The following CHRM3 variants were observed in gnomAD, a reference collection of about 807,000 sequenced individuals.
CHRM3 encodes muscarinic acetylcholine receptor M3.
Under a neutral mutation model 41.8 loss-of-function variants are expected in CHRM3, and 11 were observed. The ratio of observed to expected loss-of-function variants is 0.26; its 90% CI spans 0.17 to 0.44. The LOEUF (loss-of-function observed/expected upper bound fraction) is 0.44, where lower values mean the gene tolerates loss of function less well. CHRM3 is among the 20% of genes least tolerant of loss of function. The probability of loss-of-function intolerance (pLI) is 1.00; values close to 1 mark genes in which losing one functional copy is unlikely to be tolerated. For synonymous variants in CHRM3, 297 were observed against 301.4 expected, an observed-to-expected ratio of 0.99 and a Z score of 0.15; for missense variants, 571 against 745.4, an observed-to-expected ratio of 0.77 and a Z score of 2.72.
In CHRM3 at chr1:239,907,878, C is replaced by A. The variant is rs1680098162; in HGVS notation, c.427C>A (p.Leu143Ile). 2 of 1,614,228 alleles carry A rather than the reference C, an allele frequency of 1.2e-6. No individual in the cohort carries two copies. Among genetic ancestry groups the A allele is most frequent in the East Asian group, 4.5e-5 (2 of 44,888 alleles). The change falls in exon 7 of 7, where the codon CTC becomes ATC. Residue 143 changes from leucine (L) to isoleucine (I), a missense_variant. Physicochemically the swap from Leu to Ile is conservative, Grantham distance 5. Coordinates refer to ENST00000676153, the MANE Select transcript of CHRM3 (RefSeq NM_001375978.1). This position sits in a 1 kb window ranked among gnomAD's most constrained non-coding sequence, Gnocchi z 5.4. ...RWALGNLACD[L>I]WLAIDYVASN... ...GGCCTTAGGGAACTTGGCCTGTGAC[C>A]TCTGGCTTGCCATTGACTACGTAGC...
chr1:239,589,028 G>A (rs1028789908), intron 3 of CHRM3, among the ~76,000 whole-genome samples: 12 of 151,882 alleles, frequency 7.9e-5, no homozygotes, highest in African/African-American at 2.2e-4. Flanking sequence ...CTGCTTCCCC[G>A]GTGCAAGCAG....
chr1:239,425,989 T>A (rs933419946), intron 1 of CHRM3, among the ~76,000 whole-genome samples: 3 of 152,124 alleles, frequency 2.0e-5, no homozygotes, highest in East Asian at 1.9e-4. Context: ...GCTATTTTTT[T>A]ATTTTTATTT....
At chr1:239,556,863 C>T (rs1213199064) in intron 3 of CHRM3, among the ~76,000 whole-genome samples, 2 of 152,120 alleles carry the variant, frequency 1.3e-5, no homozygotes, top group East Asian at 1.9e-4. Flanking sequence ...AAGCAGCATA[C>T]ATAGAAGAAA....
intron 4 of CHRM3, among the ~76,000 whole-genome samples, chr1:239,639,492 T>A (rs547681672): frequency 1.3e-5 from 2 of 152,314 alleles, no homozygotes; most frequent in Non-Finnish European, 2.9e-5. Flanking sequence ...CCCTAGTAAG[T>A]TGGATTCTTG....
intron 5 of CHRM3, among the ~76,000 whole-genome samples, chr1:239,725,306 A>AT (rs1663334781): frequency 6.6e-6 from 1 of 151,828 alleles, no homozygotes; most frequent in Non-Finnish European, 1.5e-5. Flanking sequence ...ATTACTGACC[A>AT]TTTTTTCCCA....
At chr1:239,594,624 C>A (rs1664577008) in intron 3 of CHRM3, among the ~76,000 whole-genome samples, 1 of 152,104 alleles carries the variant, frequency 6.6e-6, no homozygotes, top group Non-Finnish European at 1.5e-5. Flanking sequence ...ACATTTTGGG[C>A]CACTTCACAG....
At chr1:239,573,396 T>C (rs756614281) in intron 3 of CHRM3, among the ~76,000 whole-genome samples, 10 of 152,214 alleles carry the variant, frequency 6.6e-5, no homozygotes, top group Non-Finnish European at 1.2e-4. Flanking sequence ...TTAACATTGA[T>C]ATGTCCCAGG....
chr1:239,439,197 C>A (rs1360796070), intron 1 of CHRM3, among the ~76,000 whole-genome samples: 1 of 152,134 alleles, frequency 6.6e-6, no homozygotes, highest in South Asian at 2.1e-4. Flanking sequence ...AGTAAAAATA[C>A]TTTGAAACAT....
intron 5 of CHRM3, among the ~76,000 whole-genome samples, chr1:239,712,948 CA>C (rs1661959762): frequency 6.6e-6 from 1 of 152,140 alleles, no homozygotes; most frequent in Non-Finnish European, 1.5e-5. Context: ...GATACAGCGA[CA>C]AGTTAATCAG....
intron 3 of CHRM3, among the ~76,000 whole-genome samples, chr1:239,564,029 T>C (rs1661125082): frequency 1.3e-5 from 2 of 152,204 alleles, no homozygotes; most frequent in African/African-American, 4.8e-5. Flanking sequence ...AAGATTTTGA[T>C]GTTTCCGAGA....
chr1:239,587,761 A>C (rs1572806733), intron 3 of CHRM3, among the ~76,000 whole-genome samples: 1 of 152,316 alleles, frequency 6.6e-6, no homozygotes, highest in Non-Finnish European at 1.5e-5. Flanking sequence ...CCATTACAAA[A>C]GTGTAGTCTG....
At position 239,391,592 on chromosome 1, in the gene CHRM3, G is replaced by A. The variant is rs745565330; in HGVS notation, c.-521+4365G>A. On this transcript the variant is annotated intron_variant, in intron 1 of 6. Coordinates refer to ENST00000676153, the MANE Select transcript of CHRM3 (RefSeq NM_001375978.1). Reference sequence around the variant, plus strand: ...CTGAAGGCCAAGGACTCTGGCTGACGTGCACCTTCTTAGCTTCCTCTGCTG... The same window carrying A: ...CTGAAGGCCAAGGACTCTGGCTGACATGCACCTTCTTAGCTTCCTCTGCTG... Among the ~76,000 whole-genome samples the A allele has an allele frequency of 3.9e-5, 6 of 152,186 alleles. No homozygotes were observed. The South Asian group carries it at 8.3e-4, about 21-fold the overall frequency.
intron 1 of CHRM3, among the ~76,000 whole-genome samples, chr1:239,439,098 G>A (rs1052626545): frequency 1.3e-5 from 2 of 152,162 alleles, no homozygotes; most frequent in Non-Finnish European, 2.9e-5. Context: ...AAAATCTGCA[G>A]GCTCAGATCA....
chr1:239,873,308 C>G (rs1321264994), intron 6 of CHRM3, among the ~76,000 whole-genome samples: 1 of 152,120 alleles, frequency 6.6e-6, no homozygotes, highest in Non-Finnish European at 1.5e-5. Flanking sequence ...CCTGAATTCC[C>G]ACACAGGGAA....
intron 4 of CHRM3, among the ~76,000 whole-genome samples, chr1:239,666,226 G>T (rs60480924): frequency 6.6e-6 from 1 of 150,394 alleles, no homozygotes; most frequent in Non-Finnish European, 1.5e-5. Flanking sequence ...ATGGAGTCTC[G>T]CTCTGTCACC....
intron 2 of CHRM3, among the ~76,000 whole-genome samples, chr1:239,513,554 A>G (rs1669064854): frequency 6.6e-6 from 1 of 152,160 alleles, no homozygotes; most frequent in Admixed American, 6.5e-5. Context: ...TGTTTTGCAA[A>G]TATTTTCTCC....
intron 5 of CHRM3, among the ~76,000 whole-genome samples, chr1:239,816,623 G>A (rs1671610191): frequency 1.3e-5 from 2 of 152,202 alleles, no homozygotes; most frequent in South Asian, 4.1e-4. Flanking sequence ...GAAGCCACTG[G>A]GCAGCATAAT....
chr1:239,597,745 A>T (rs1375772126), intron 3 of CHRM3, among the ~76,000 whole-genome samples: 2 of 151,708 alleles, frequency 1.3e-5, no homozygotes, highest in East Asian at 3.9e-4. Context: ...TGTTTTTAAA[A>T]AGTTTTTATT....
intron 6 of CHRM3, among the ~76,000 whole-genome samples, chr1:239,905,306 A>G (rs560304849): frequency 2.0e-5 from 3 of 152,156 alleles, no homozygotes; most frequent in Non-Finnish European, 4.4e-5. Flanking sequence ...GATTGTCTGG[A>G]TGGAACTCTT....
Sources: allele counts gnomAD v4.1 joint callset (sites outside exome capture counted in the v4.1 genomes callset), GRCh38; gene constraint gnomAD v4.1.1; non-coding constraint Gnocchi (gnomAD v3.1); transcripts MANE v1.5; gene names NCBI Gene and HGNC (gene_info 2026-07-23, HGNC 2026-07-21).